Variants in HS3ST4 observed in about 807,000 individuals in gnomAD.
The protein encoded by HS3ST4 is heparan sulfate glucosamine 3-O-sulfotransferase 4.
HS3ST4 carries 17 observed loss-of-function variants against 29.2 expected under a neutral mutation model. The observed-to-expected ratio is 0.58, with a 90% CI of 0.40 to 0.87. The LOEUF is 0.87. Ranked by LOEUF, HS3ST4 falls within the 40% of genes least tolerant of loss-of-function variation. HS3ST4 has a pLI of 0.00. For synonymous variants in HS3ST4, 314 were observed against 285.7 expected (o/e 1.10, Z -1.00); for missense variants, 627 against 634.5 (o/e 0.99, Z 0.13).
intron 1 of HS3ST4, among the ~76,000 whole-genome samples, chr16:25,977,078 TGTAA>T (rs1408187048): frequency 6.6e-6 from 1 of 152,190 alleles, no homozygotes; most frequent in Non-Finnish European, 1.5e-5. Flanking sequence ...AGAAGATATT[TGTAA>T]GTAAGTTGAC....
chr16:26,111,895 T>C (rs1270040370), intron 1 of HS3ST4, among the ~76,000 whole-genome samples: 1 of 151,640 alleles, frequency 6.6e-6, no homozygotes, highest in Non-Finnish European at 1.5e-5. Context: ...TGGGCGCCTG[T>C]AGTCCCAGCC....
chr16:26,040,463 C>T (rs180795330), intron 1 of HS3ST4, among the ~76,000 whole-genome samples: 1 of 152,144 alleles, frequency 6.6e-6, no homozygotes, highest in Admixed American at 6.5e-5. Context: ...GCCAACACGC[C>T]CAGCTAATTT....
intron 1 of HS3ST4, among the ~76,000 whole-genome samples, chr16:25,997,664 A>T (rs572232892): frequency 3.9e-5 from 6 of 152,272 alleles, no homozygotes; most frequent in Admixed American, 1.3e-4. Flanking sequence ...AATAGTTCCA[A>T]CTGAAGTCCT....
intron 1 of HS3ST4, among the ~76,000 whole-genome samples, chr16:25,991,945 C>T (rs8045538): frequency 0.18 from 27,736 of 152,058 alleles, 2,614 homozygotes; most frequent in South Asian, 0.22. Context: ...GGCGTGAACC[C>T]GGGAGGCAGA....
intron 1 of HS3ST4, among the ~76,000 whole-genome samples, chr16:26,057,994 G>A (rs1265749700): frequency 6.6e-6 from 1 of 150,876 alleles, no homozygotes; most frequent in Admixed American, 6.6e-5. Flanking sequence ...AATTAAAATC[G>A]AGTTTGATGG....
chr16:26,069,562 T>TATA (rs1567305724), intron 1 of HS3ST4, among the ~76,000 whole-genome samples: 1 of 148,858 alleles, frequency 6.7e-6, no homozygotes, highest in Non-Finnish European at 1.5e-5. Flanking sequence ...ATATATATAT[T>TATA]TTTTTTTATT....
At chr16:25,991,973 A>G (rs1969118034) in intron 1 of HS3ST4, among the ~76,000 whole-genome samples, 2 of 152,228 alleles carry the variant, frequency 1.3e-5, no homozygotes, top group African/African-American at 4.8e-5. Context: ...GTGAGCCGAG[A>G]TGGCACCACT....
chr16:25,793,308 A>C (rs1213608136), intron 1 of HS3ST4, among the ~76,000 whole-genome samples: 3 of 151,932 alleles, frequency 2.0e-5, no homozygotes, highest in African/African-American at 7.2e-5. Flanking sequence ...CGTTAATCTT[A>C]TTGATTAACA....
At chr16:25,756,925 T>C (rs1966761735) in intron 1 of HS3ST4, among the ~76,000 whole-genome samples, 1 of 152,206 alleles carries the variant, frequency 6.6e-6, no homozygotes, top group Non-Finnish European at 1.5e-5. Flanking sequence ...TTACAGTAGC[T>C]CCCTTCAATT....
intron 1 of HS3ST4, among the ~76,000 whole-genome samples, chr16:25,953,300 C>T (rs566664520): frequency 1.8e-4 from 27 of 152,276 alleles, no homozygotes; most frequent in African/African-American, 4.6e-4. Context: ...AACAACTGCT[C>T]GTAAGTCCTC....
intron 1 of HS3ST4, among the ~76,000 whole-genome samples, chr16:25,914,080 G>A (rs1254191867): frequency 1.3e-5 from 2 of 149,822 alleles, no homozygotes; most frequent in Non-Finnish European, 3.0e-5. Flanking sequence ...GTGTGTGTGG[G>A]GGTATGATAT....
intron 1 of HS3ST4, among the ~76,000 whole-genome samples, chr16:26,099,352 C>T (rs1016432900): frequency 1.3e-5 from 2 of 152,110 alleles, no homozygotes; most frequent in African/African-American, 2.4e-5. Flanking sequence ...GTTGGAGCCT[C>T]GCTATATGGC....
chr16:26,075,224 T>C (rs958897623), intron 1 of HS3ST4, among the ~76,000 whole-genome samples: 4 of 152,082 alleles, frequency 2.6e-5, no homozygotes, highest in Admixed American at 1.3e-4. Flanking sequence ...TGTCATTAAG[T>C]TGAGAAAACT....
chr16:26,048,438 C>T (rs537247240), intron 1 of HS3ST4, among the ~76,000 whole-genome samples: 4 of 152,166 alleles, frequency 2.6e-5, no homozygotes, highest in African/African-American at 4.8e-5. Context: ...CCACCATTTC[C>T]GTGCATGGAA....
At chr16:25,766,957 T>C (rs1966824081) in intron 1 of HS3ST4, among the ~76,000 whole-genome samples, 1 of 152,190 alleles carries the variant, frequency 6.6e-6, no homozygotes, top group Non-Finnish European at 1.5e-5. Context: ...AAATCCTGCA[T>C]TCTTTTGACT....
intron 1 of HS3ST4, among the ~76,000 whole-genome samples, chr16:26,059,816 C>T (rs754502970): frequency 1.3e-5 from 2 of 152,044 alleles, no homozygotes; most frequent in Non-Finnish European, 2.9e-5. Flanking sequence ...CTTGCTCCGT[C>T]GCCCAGGCTG....
In HS3ST4 at chr16:25,692,629, C is replaced by T. The variant is rs1253432895; in HGVS notation, c.212C>T (p.Ala71Val). ...CTGGCGCTGCAGGAGTCGCCGGGCG[C>T]CGCCGCCGAGCCCCCGCCGAGCCCG... is the stretch of plus-strand genomic sequence containing the variant. Reference protein sequence around the residue: ...FPLALQESPGAAAEPPPSPPP... With the variant: ...FPLALQESPGVAAEPPPSPPP... Residue 71 changes from alanine to valine, a missense_variant, in exon 1 of 2, where the codon GCC becomes GTC. Coordinates refer to ENST00000331351, the MANE Select transcript of HS3ST4 (RefSeq NM_006040.3). 3 of 1,369,720 alleles carry T rather than the reference C, an allele frequency of 2.2e-6. No individual in the cohort carries two copies. Among genetic ancestry groups the T allele is most frequent in the Non-Finnish European group, 2.9e-6 (3 of 1,051,620 alleles). The allele number at this position is 1,369,720 out of a possible 1,614,324, so 84.8% of individuals were successfully genotyped here.
intron 1 of HS3ST4, among the ~76,000 whole-genome samples, chr16:26,066,412 C>T (rs1332828429): frequency 6.6e-6 from 1 of 152,194 alleles, no homozygotes; most frequent in Non-Finnish European, 1.5e-5. Context: ...AGACTATTAT[C>T]ACTGCATCAT....
At chr16:25,830,257 A>G (rs1016736750) in intron 1 of HS3ST4, among the ~76,000 whole-genome samples, 4 of 152,230 alleles carry the variant, frequency 2.6e-5, no homozygotes, top group African/African-American at 7.2e-5. Flanking sequence ...GTGGTTATCA[A>G]TGTAAGATCA....
Sources: allele counts gnomAD v4.1 joint callset (sites outside exome capture counted in the v4.1 genomes callset), GRCh38; gene constraint gnomAD v4.1.1; transcripts MANE v1.5; gene names NCBI Gene and HGNC (gene_info 2026-07-23, HGNC 2026-07-21).